RRBP1: variants seen among roughly 807,000 people sequenced by gnomAD.
The protein encoded by RRBP1 is ribosome binding protein 1, also known as ribosome-binding protein 1.
RRBP1 carries 94 observed loss-of-function variants against 165.2 expected under a neutral mutation model. The ratio of observed to expected loss-of-function variants is 0.57; its 90% confidence interval spans 0.48 to 0.68. RRBP1 has a LOEUF of 0.68. RRBP1 is among the 30% of genes least tolerant of loss of function. The pLI is 0.00. For synonymous variants in RRBP1, 680 were observed against 714.5 expected, an observed-to-expected ratio of 0.95 and a Z score of 0.77; for missense variants, 1,676 against 1,763.0, an observed-to-expected ratio of 0.95 and a Z score of 0.88.
Position 17,621,739 on chromosome 20 carries a change from T to C in RRBP1, c.3275A>G (p.Lys1092Arg). The part of the protein sequence containing the change: ...YTEWLQDLKE[K>R]GPTLLKHPPA... ...CGGGTGCTTCAGCAGCGTGGGGCCT[T>C]TCTCTTTGAGATCCTGCAGCCACTC... Residue 1092 changes from lysine (K) to arginine (R), a missense_variant, in exon 15 of 25, where the codon AAA becomes AGA. By Grantham distance (26) the Lys-to-Arg change is conservative. Around this residue, in one of 5 missense-constraint regions of RRBP1, gnomAD observed 1,184 missense variants for 1,167.1 expected, o/e 1.01. Coordinates refer to ENST00000377813, the MANE Select transcript of RRBP1 (RefSeq NM_001365613.2). 1.2e-6 allele frequency: 2 copies of C among 1,613,842 alleles called. No homozygotes were observed. The highest frequency in any genetic ancestry group is 1.7e-6 in the Non-Finnish European group (2 of 1,180,024).
intron 13 of RRBP1, among the ~76,000 whole-genome samples, chr20:17,624,031 C>T (rs927621716): frequency 6.6e-6 from 1 of 152,164 alleles, no homozygotes; most frequent in Non-Finnish European, 1.5e-5. Context: ...AGAAATAACA[C>T]CAAAAAAGCT....
At chr20:17,661,082 T>A (rs1209672854) in intron 2 of RRBP1, among the ~76,000 whole-genome samples, 2 of 152,240 alleles carry the variant, frequency 1.3e-5, no homozygotes, top group Non-Finnish European at 2.9e-5. Flanking sequence ...TTAAAAAATA[T>A]GTGAACCGAA....
intron 3 of RRBP1, among the ~76,000 whole-genome samples, chr20:17,654,714 C>T (rs1426677787): frequency 2.0e-5 from 3 of 152,164 alleles, no homozygotes; most frequent in African/African-American, 7.2e-5. Context: ...ATAGCCTGTG[C>T]CATTATATAA....
chr20:17,644,887 C>T (rs959665195), intron 3 of RRBP1, among the ~76,000 whole-genome samples: 2 of 152,210 alleles, frequency 1.3e-5, no homozygotes, highest in Non-Finnish European at 2.9e-5. Flanking sequence ...CAAAATGTAT[C>T]GTTAACATTC....
chr20:17,670,915 T>A (rs1055713737), intron 2 of RRBP1, among the ~76,000 whole-genome samples: 1 of 152,240 alleles, frequency 6.6e-6, no homozygotes, highest in Non-Finnish European at 1.5e-5. Context: ...GTACTGGCTC[T>A]GTCCTCGCTC....
chr20:17,680,559 C>G (rs2037161763), intron 1 of RRBP1, among the ~76,000 whole-genome samples: 1 of 152,064 alleles, frequency 6.6e-6, no homozygotes, highest in Admixed American at 6.6e-5. Context: ...GAGTAATTGC[C>G]AAATTGCCTT....
chr20:17,655,045 T>C (rs780529049), intron 3 of RRBP1, among the ~76,000 whole-genome samples: 4 of 152,254 alleles, frequency 2.6e-5, no homozygotes, highest in Non-Finnish European at 2.9e-5. Context: ...AAGGTTTTAA[T>C]AGGAAATTCT....
chr20:17,614,728 G>C lies in RRBP1; in HGVS notation c.4194+9C>G, dbSNP rs773825266. ...CTCCTCCCGCCCTGCTTTGGCGCCAGGCACGCACTGCCTTTTCCAGCTGTT... is the reference window on the plus strand; with the variant it reads ...CTCCTCCCGCCCTGCTTTGGCGCCACGCACGCACTGCCTTTTCCAGCTGTT... On this transcript the variant is annotated intron_variant, in intron 24 of 24. Coordinates refer to ENST00000377813, the MANE Select transcript of RRBP1 (RefSeq NM_001365613.2). 6.2e-7 allele frequency: 1 copy of C among 1,610,708 alleles called. No homozygotes were observed. The highest frequency in any genetic ancestry group is 1.1e-5 in the South Asian group (1 of 91,076).
chr20:17,616,615 GT>G, intron 21 of RRBP1, 116 bp downstream of exon 21: 1 of 673,842 alleles, frequency 1.5e-6, no homozygotes, highest in African/African-American at 1.8e-5. Flanking sequence ...GCAGGGTGGG[GT>G]GGGGAAGCAG....
chr20:17,633,409 G>A, intron 8 of RRBP1, 51 bp downstream of exon 8: 2 of 1,584,058 alleles, frequency 1.3e-6, no homozygotes, highest in Non-Finnish European at 1.7e-6. Flanking sequence ...TATGCAGACA[G>A]GCTTGCTGGG....
At chr20:17,636,517 C>T (rs1045919457) in intron 6 of RRBP1, 60 bp downstream of exon 6, 10 of 1,577,980 alleles carry the variant, frequency 6.3e-6, no homozygotes, top group East Asian at 2.2e-5. Context: ...TGGCTCCCTC[C>T]GTCCTGGACC....
chr20:17,644,968 G>A (rs939741658), intron 3 of RRBP1, among the ~76,000 whole-genome samples: 2 of 152,154 alleles, frequency 1.3e-5, no homozygotes, highest in Non-Finnish European at 1.5e-5. Flanking sequence ...TGGCTCACAC[G>A]TGTGTGGCTC....
Position 17,625,595 on chromosome 20 carries a change from C to T in RRBP1, c.2971G>A (p.Glu991Lys). The T allele has an allele frequency of 1.2e-6, 2 of 1,613,882 alleles. No individual in the cohort carries two copies. The highest frequency in any genetic ancestry group is 1.7e-6 in the Non-Finnish European group (2 of 1,179,866). ...AGACCCGACACCTGGGACTCCAGCT[C>T]CTTGAGGCTGAAGGGACACAACGAG... The part of the protein sequence containing the change: ...EADQQQTRLK[E>K]LESQVSGLEK... The change falls in exon 12 of 25, where the codon GAG becomes AAG. Residue 991 changes from glutamate to lysine, a missense_variant. Glu to Lys is a moderately conservative substitution (Grantham distance 56). Transcript: ENST00000377813.
intron 2 of RRBP1, among the ~76,000 whole-genome samples, chr20:17,676,732 AC>A (rs2037089294): frequency 2.6e-5 from 4 of 151,988 alleles, no homozygotes; most frequent in Admixed American, 2.6e-4. Context: ...CCCCCAGAGA[AC>A]CCAAAAATCT....
At chr20:17,628,873 C>T (rs1390280390) in intron 9 of RRBP1, among the ~76,000 whole-genome samples, 2 of 152,248 alleles carry the variant, frequency 1.3e-5, no homozygotes, top group Non-Finnish European at 2.9e-5. Flanking sequence ...TTTCTTTGAA[C>T]ACAGCCAGGC....
At chr20:17,614,948 C>A (rs1474844161) in intron 23 of RRBP1, 68 bp from the exon 24 acceptor site, 14 of 1,559,568 alleles carry the variant, frequency 9.0e-6, no homozygotes, top group Non-Finnish European at 1.2e-5. Flanking sequence ...GCTATGCCCA[C>A]AGGACCCTGA....
chr20:17,620,674 T>G (rs370889070), intron 17 of RRBP1, 41 bp downstream of exon 17: 60 of 1,480,760 alleles, frequency 4.1e-5, no homozygotes, highest in Admixed American at 1.5e-4. Context: ...CTGGGCTTCA[T>G]GTGCTCCACG....
At position 17,642,983 on chromosome 20, in the gene RRBP1, T is replaced by C. The variant is rs766511182; in HGVS notation, c.2057A>G (p.His686Arg). 6.2e-7 allele frequency: 1 copy of C among 1,613,620 alleles called. No homozygotes were observed. The highest frequency in any genetic ancestry group is 1.7e-5 in the Admixed American group (1 of 60,008). Residue 686 changes from histidine to arginine, a missense_variant, in exon 4 of 25, where the codon CAC (histidine) becomes CGC (arginine). This residue lies in a region of RRBP1 where 1,184 missense variants were observed against 1,167.1 expected (regional missense o/e 1.01). Coordinates refer to ENST00000377813, the MANE Select transcript of RRBP1 (RefSeq NM_001365613.2). The stretch of plus-strand genomic sequence containing the variant: ...CCAGCAGGAGGGTGGGCCCACCTTG[T>C]GCCAGGTGTCCTGAATGATGCCAGC... ...EKAGIIQDTWHKATQKGDPVA... is the reference protein window; with the variant it reads ...EKAGIIQDTWRKATQKGDPVA...
intron 5 of RRBP1, among the ~76,000 whole-genome samples, chr20:17,641,268 C>T (rs1429007325): frequency 6.6e-6 from 1 of 152,218 alleles, no homozygotes; most frequent in East Asian, 1.9e-4. Context: ...AGTGCAAATG[C>T]TACGTGCCAC....
Sources: gnomAD v4.1 joint callset for allele counts (sites outside exome capture counted in the v4.1 genomes callset) on GRCh38, gnomAD v4.1.1 for gene constraint, gnomAD v4.1.1 regional missense constraint, MANE v1.5 for transcripts, NCBI Gene and HGNC (gene_info 2026-07-23, HGNC 2026-07-21) for gene names.